Variants in CPT1A observed in about 807,000 individuals in gnomAD.
The protein encoded by CPT1A is carnitine palmitoyltransferase 1A, also known as carnitine O-palmitoyltransferase 1, liver isoform.
A neutral mutation model predicts 100.8 loss-of-function variants in CPT1A; 64 were observed. The observed-to-expected ratio is 0.63, with a 90% confidence interval of 0.52 to 0.78. The LOEUF (loss-of-function observed/expected upper bound fraction) is 0.78, where lower values mean the gene tolerates loss of function less well. Ranked by LOEUF, CPT1A falls within the 30% of genes least tolerant of loss-of-function variation. The pLI, the probability that CPT1A is intolerant of heterozygous loss-of-function variation, is 0.00. For missense variants in CPT1A, 802 were observed against 1,034.1 expected (o/e 0.78, Z 3.08); for synonymous variants, 363 against 396.0 (o/e 0.92, Z 0.99).
chr11:68,792,684 G>A (rs910502065), intron 9 of CPT1A, among the ~76,000 whole-genome samples: 4 of 152,226 alleles, frequency 2.6e-5, no homozygotes, highest in Non-Finnish European at 5.9e-5. Flanking sequence ...TTCCGAGCAC[G>A]ACCCAGTGTG....
intron 1 of CPT1A, chr11:68,839,459 T>C: frequency 1.0e-6 from 1 of 966,438 alleles, no homozygotes; most frequent in East Asian, 1.1e-4. Flanking sequence ...GCTCGGATCC[T>C]GTTCCACCCG....
At chr11:68,809,184 C>G (rs1231538201) in intron 3 of CPT1A, among the ~76,000 whole-genome samples, 1 of 152,052 alleles carries the variant, frequency 6.6e-6, no homozygotes, top group Non-Finnish European at 1.5e-5. Flanking sequence ...TTCTTTAAAC[C>G]TATACACTCT....
At chr11:68,765,827 A>G (rs1284164924) in intron 14 of CPT1A, among the ~76,000 whole-genome samples, 1 of 152,188 alleles carries the variant, frequency 6.6e-6, no homozygotes, top group Non-Finnish European at 1.5e-5. Flanking sequence ...CTGAATAGAA[A>G]TAACACAGGA....
chr11:68,814,337 C>G (rs559838750), intron 2 of CPT1A, among the ~76,000 whole-genome samples: 39 of 152,196 alleles, frequency 2.6e-4, no homozygotes, highest in African/African-American at 8.9e-4. Flanking sequence ...GACAGAGTCT[C>G]GCTCTCTCAC....
Position 68,781,797 on chromosome 11 carries a change from A to G in CPT1A, c.1326T>C (p.Ser442=). The G allele has an allele frequency of 6.2e-7, 1 of 1,614,150 alleles. No homozygotes were observed. Among genetic ancestry groups the G allele is most frequent in the Non-Finnish European group, 8.5e-7 (1 of 1,180,042 alleles). The change falls in exon 11 of 19, where the codon TCT becomes TCC. Residue 442 remains serine (S), a synonymous_variant. Transcript: ENST00000265641. The part of the protein sequence containing the change: ...PDTSMDSYAK[S]LLHGRCYDRW... ...TGTCGTAACATCGGCCGTGTAGTAGAGATTTGGCGTAGCTGTCCATTGACG... is the reference window on the plus strand; with the variant it reads ...TGTCGTAACATCGGCCGTGTAGTAGGGATTTGGCGTAGCTGTCCATTGACG...
intron 9 of CPT1A, among the ~76,000 whole-genome samples, chr11:68,787,013 C>T (rs553120426): frequency 8.6e-5 from 13 of 151,980 alleles, no homozygotes; most frequent in East Asian, 7.7e-4. Context: ...GGATGCTGGC[C>T]GGGCAATAAA....
At chr11:68,777,350 A>G (rs1594330701) in intron 12 of CPT1A, among the ~76,000 whole-genome samples, 1 of 152,188 alleles carries the variant, frequency 6.6e-6, no homozygotes, top group South Asian at 2.1e-4. Flanking sequence ...AAATTACTTG[A>G]ACCCAGGAGT....
At chr11:68,805,450 CAAA>C (rs35857185) in intron 4 of CPT1A, among the ~76,000 whole-genome samples, 2 of 134,582 alleles carry the variant, frequency 1.5e-5, no homozygotes, top group Admixed American at 7.6e-5. Context: ...GATGCTGTCT[CAAA>C]AAAAAAAAAA....
chr11:68,812,692 G>C, intron 2 of CPT1A, 116 bp from the exon 3 acceptor site: 1 of 1,238,704 alleles, frequency 8.1e-7, no homozygotes, highest in Non-Finnish European at 1.2e-6. Context: ...AAGAGGGTGT[G>C]GACAGCGTGC....
intron 12 of CPT1A, among the ~76,000 whole-genome samples, chr11:68,777,237 C>G (rs1355260795): frequency 1.3e-5 from 2 of 152,032 alleles, no homozygotes; most frequent in African/African-American, 4.8e-5. Context: ...CGAGACCAGC[C>G]TGGGCAATGT....
At chr11:68,769,444 T>C (rs1594323500) in intron 14 of CPT1A, among the ~76,000 whole-genome samples, 1 of 143,120 alleles carries the variant, frequency 7.0e-6, no homozygotes, top group Non-Finnish European at 1.5e-5. Flanking sequence ...ACAGATAGAG[T>C]CTCCCCATAT....
intron 14 of CPT1A, among the ~76,000 whole-genome samples, chr11:68,765,677 A>T (rs535112052): frequency 3.3e-4 from 51 of 152,332 alleles, no homozygotes; most frequent in East Asian, 1.9e-3. Flanking sequence ...ATCCATATTC[A>T]ATATTCAATA....
chr11:68,770,786 G>A (rs1854965349), intron 14 of CPT1A, among the ~76,000 whole-genome samples: 1 of 152,162 alleles, frequency 6.6e-6, no homozygotes, highest in Non-Finnish European at 1.5e-5. Flanking sequence ...TTTTATGGAG[G>A]GTCTCTGCAC....
chr11:68,760,487 C>A lies in CPT1A; in HGVS notation c.2029-149G>T, dbSNP rs985983667. 79 of 747,446 alleles carry A rather than the reference C, an allele frequency of 1.1e-4. No homozygotes were observed. The African/African-American group carries it at 1.2e-3, about 11-fold the overall frequency. The allele number at this position is 747,446 out of a possible 1,614,324, so 46.3% of individuals were successfully genotyped here. A position where few individuals can be genotyped will look rare whatever the true frequency, so the allele number is the denominator to read the frequency against. On this transcript the variant is annotated intron_variant, in intron 16 of 18. Transcript: ENST00000265641. ...TCTCCAAAGGCCTCACTGGCTTGGG[C>A]AGCGTATCTGCAGAGAGCATGCGGG...
rs764286178 is a variant in CPT1A, at chr11:68,754,887, A to C, written c.*2757T>G. Reference sequence around the variant, plus strand: ...CAAAAGAGACAGAAACAAATCTTGTAGTAGACTGGGGTTAATGTTTTATTA... The same window carrying C: ...CAAAAGAGACAGAAACAAATCTTGTCGTAGACTGGGGTTAATGTTTTATTA... On this transcript the variant is annotated 3_prime_UTR_variant, in exon 19 of 19. Coordinates refer to ENST00000265641, the MANE Select transcript of CPT1A (RefSeq NM_001876.4). 1.0e-5 allele frequency: 8 copies of C among 779,902 alleles called. No homozygotes were observed. In the African/African-American group the frequency reaches 1.4e-4, roughly 13 times the overall value. 48.3% of individuals were successfully genotyped at this position (779,902 alleles called of 1,614,324 possible). A position where few individuals can be genotyped will look rare whatever the true frequency, so the allele number is the denominator to read the frequency against.
At chr11:68,840,372 T>G (rs933477304) in intron 1 of CPT1A, among the ~76,000 whole-genome samples, 3 of 152,296 alleles carry the variant, frequency 2.0e-5, no homozygotes, top group Admixed American at 6.5e-5. Flanking sequence ...TGGCTTAGAA[T>G]GAAATAAACA....
chr11:68,763,739 T>A (rs1469648449), intron 14 of CPT1A, among the ~76,000 whole-genome samples: 2 of 151,938 alleles, frequency 1.3e-5, no homozygotes, highest in African/African-American at 2.4e-5. Flanking sequence ...TTCAGGGGCA[T>A]GGAAACATGG....
intron 4 of CPT1A, among the ~76,000 whole-genome samples, chr11:68,805,239 C>T (rs1207553184): frequency 1.3e-5 from 2 of 151,974 alleles, no homozygotes; most frequent in African/African-American, 4.8e-5. Context: ...TCGTTTGAGC[C>T]CAGGAGCTCG....
intron 2 of CPT1A, 92 bp from the exon 3 acceptor site, chr11:68,812,668 C>G (rs111684381): frequency 1.3e-6 from 2 of 1,493,200 alleles, no homozygotes; most frequent in African/African-American, 1.4e-5. Context: ...GCTGCTGGGA[C>G]AGCAGGCAGT....
Sources: allele counts gnomAD v4.1 joint callset (sites outside exome capture counted in the v4.1 genomes callset), GRCh38; gene constraint gnomAD v4.1.1; transcripts MANE v1.5; gene names NCBI Gene and HGNC (gene_info 2026-07-23, HGNC 2026-07-21).